Variants in ATG10 observed in about 807,000 individuals in gnomAD.
ATG10 encodes the protein ubiquitin-like-conjugating enzyme ATG10.
In ATG10, 30 loss-of-function variants were observed where a neutral mutation model predicts 32.1. That is an observed-to-expected ratio of 0.94 (90% CI 0.70 to 1.27). The LOEUF (loss-of-function observed/expected upper bound fraction) is 1.27, where lower values mean the gene tolerates loss of function less well. ATG10 is among the 50% of genes most tolerant of loss of function. The pLI is 0.00. For synonymous variants in ATG10, 87 were observed against 91.5 expected, an observed-to-expected ratio of 0.95 and a Z score of 0.28; for missense variants, 233 against 262.3, an observed-to-expected ratio of 0.89 and a Z score of 0.77.
chr5:82,190,802 A>T (rs1744633589), intron 5 of ATG10, among the ~76,000 whole-genome samples: 1 of 148,046 alleles, frequency 6.8e-6, no homozygotes, highest in African/African-American at 2.5e-5. Context: ...AAAAAAAAAA[A>T]AATGGGGAGA....
chr5:82,000,174 A>G (rs1761807402), intron 2 of ATG10, among the ~76,000 whole-genome samples: 2 of 152,226 alleles, frequency 1.3e-5, no homozygotes, highest in South Asian at 4.1e-4. Flanking sequence ...ATGCAAATCA[A>G]TAAATGTGAT....
chr5:82,245,611 G>C (rs1372162421), intron 5 of ATG10, among the ~76,000 whole-genome samples: 1 of 152,114 alleles, frequency 6.6e-6, no homozygotes, highest in Non-Finnish European at 1.5e-5. Context: ...AAAATTATCA[G>C]AAGATTTAAT....
At position 82,009,614 on chromosome 5, in the gene ATG10, G is replaced by T. The variant is rs980849385; in HGVS notation, c.108+21936G>T. ...GTCAAACTTATTCGAGTTGTCCACA[G>T]TCAGCAATGGTGATCTTCTTGCTGG... On this transcript the variant is annotated intron_variant, in intron 2 of 7. Transcript: ENST00000282185. 7 of 1,589,304 alleles carry T rather than the reference G, an allele frequency of 4.4e-6. No homozygotes were observed. In the African/African-American group the frequency reaches 9.4e-5, roughly 21 times the overall value.
At chr5:82,160,689 C>G (rs1743295418) in intron 3 of ATG10, among the ~76,000 whole-genome samples, 1 of 152,088 alleles carries the variant, frequency 6.6e-6, no homozygotes. Context: ...TTTATTTTAG[C>G]CATTCTGACA....
rs572692557 is a variant in ATG10, at chr5:82,152,532, G to A, written c.217-11867G>A. 7.9e-5 allele frequency among the ~76,000 whole-genome samples: 12 copies of A among 152,296 alleles called. No homozygotes were observed. In the South Asian group the frequency reaches 1.0e-3, roughly 13 times the overall value. ...ACTTTATTCAATCACAACCACTGGC[G>A]CAGAAATCTAAGAGCCAAATAGGCA... is the stretch of plus-strand genomic sequence containing the variant. On this transcript the variant is annotated intron_variant, in intron 3 of 7. Coordinates refer to ENST00000282185, the MANE Select transcript of ATG10 (RefSeq NM_031482.5).
chr5:82,221,314 G>T (rs1179448487), intron 5 of ATG10, among the ~76,000 whole-genome samples: 1 of 152,154 alleles, frequency 6.6e-6, no homozygotes. Context: ...TACAGTAGGG[G>T]CTATATTTTG....
At chr5:82,024,451 T>G (rs1309475227) in intron 2 of ATG10, among the ~76,000 whole-genome samples, 4 of 152,230 alleles carry the variant, frequency 2.6e-5, no homozygotes, top group Non-Finnish European at 5.9e-5. Flanking sequence ...CTATGTCTGT[T>G]TAATAAAAGA....
intron 3 of ATG10, among the ~76,000 whole-genome samples, chr5:82,149,237 A>T (rs1168906169): frequency 6.6e-6 from 1 of 151,776 alleles, no homozygotes. Context: ...GTTTACTAAT[A>T]TACCCCGTAT....
chr5:82,008,062 A>G (rs1762031815), intron 2 of ATG10, among the ~76,000 whole-genome samples: 1 of 152,130 alleles, frequency 6.6e-6, no homozygotes, highest in Non-Finnish European at 1.5e-5. Context: ...GTTGTGAAAT[A>G]CTTTTTGACT....
chr5:82,098,868 A>G (rs1025154846), intron 3 of ATG10, among the ~76,000 whole-genome samples: 1 of 152,206 alleles, frequency 6.6e-6, no homozygotes, highest in Non-Finnish European at 1.5e-5. Flanking sequence ...TGTCCAACTC[A>G]CCCACAACAT....
At chr5:82,168,295 G>A (rs1743661365) in intron 4 of ATG10, among the ~76,000 whole-genome samples, 1 of 152,050 alleles carries the variant, frequency 6.6e-6, no homozygotes, top group African/African-American at 2.4e-5. Context: ...CTTACCAGAG[G>A]CCTAGGCTTA....
intron 2 of ATG10, among the ~76,000 whole-genome samples, chr5:82,004,395 C>G (rs1761933078): frequency 1.3e-5 from 2 of 152,074 alleles, no homozygotes; most frequent in Non-Finnish European, 2.9e-5. Context: ...ATTTGCGTCC[C>G]CGAAGTTGAA....
intron 3 of ATG10, among the ~76,000 whole-genome samples, chr5:82,118,387 C>CACAT (rs1765903992): frequency 1.2e-5 from 1 of 80,734 alleles, no homozygotes. Context: ...AATATATGTA[C>CACAT]ATATATATAT....
intron 2 of ATG10, among the ~76,000 whole-genome samples, chr5:82,042,058 C>G (rs748137192): frequency 2.6e-5 from 4 of 152,044 alleles, no homozygotes; most frequent in African/African-American, 4.8e-5. Flanking sequence ...ATGTCCTGGT[C>G]TGTATTAGTC....
At chr5:82,218,585 GTC>G (rs1349946608) in intron 5 of ATG10, among the ~76,000 whole-genome samples, 1 of 152,074 alleles carries the variant, frequency 6.6e-6, no homozygotes, top group Non-Finnish European at 1.5e-5. Context: ...TGAATCCAGA[GTC>G]TCTGTGTTTT....
intron 3 of ATG10, among the ~76,000 whole-genome samples, chr5:82,145,251 A>G (rs991212934): frequency 3.3e-5 from 5 of 152,098 alleles, no homozygotes; most frequent in African/African-American, 1.2e-4. Flanking sequence ...TTTATGTAAT[A>G]ATTAATATGA....
chr5:82,105,771 G>A (rs923262788), intron 3 of ATG10, among the ~76,000 whole-genome samples: 1 of 152,122 alleles, frequency 6.6e-6, no homozygotes, highest in Non-Finnish European at 1.5e-5. Context: ...TTTGTCAGTT[G>A]CAGAGGCTAA....
intron 3 of ATG10, chr5:82,147,487 G>C (rs2149875347): frequency 6.7e-6 from 1 of 150,020 alleles, no homozygotes; most frequent in African/African-American, 2.5e-5. Flanking sequence ...TAAAATAAAA[G>C]TTAAATTAAA....
At chr5:82,183,958 AT>A (rs1744348668) in intron 5 of ATG10, among the ~76,000 whole-genome samples, 1 of 152,182 alleles carries the variant, frequency 6.6e-6, no homozygotes, top group African/African-American at 2.4e-5. Context: ...GGCCAAAGAC[AT>A]TGGCTCCTGA....
Sources: allele counts gnomAD v4.1 joint callset (sites outside exome capture counted in the v4.1 genomes callset), GRCh38; gene constraint gnomAD v4.1.1; transcripts MANE v1.5; gene names NCBI Gene and HGNC (gene_info 2026-07-23, HGNC 2026-07-21).